The following ACOT1 variants were observed in gnomAD, a reference collection of about 807,000 sequenced individuals.
The protein encoded by ACOT1 is acyl-coenzyme A thioesterase 1.
ACOT1 carries 8 observed loss-of-function variants against 15.7 expected under a neutral mutation model. That is an observed-to-expected ratio of 0.51 (90% CI 0.30 to 0.92). ACOT1 has a LOEUF of 0.92. Ranked by LOEUF, ACOT1 falls within the 40% of genes least tolerant of loss-of-function variation. The probability of loss-of-function intolerance (pLI) is 0.06; values close to 1 mark genes in which losing one functional copy is unlikely to be tolerated. For missense variants in ACOT1, 151 were observed against 539.4 expected (o/e 0.28, Z 7.13); for synonymous variants, 67 against 241.2 (o/e 0.28, Z 6.69).
chr14:73,509,812 A>ATG, the ACOT1 span, among the ~76,000 whole-genome samples: 1 of 592 alleles, frequency 1.7e-3, no homozygotes, highest in Non-Finnish European at 2.7e-3. Context: ...CCATGAGCCC[A>ATG]TATATATATA....
chr14:73,491,671 T>C, the ACOT1 span: 1,126,142 of 1,549,532 alleles, frequency 0.73, 411,617 homozygotes, highest in East Asian at 0.88. Flanking sequence ...CAGATCACTT[T>C]TACCGGCGCC....
the ACOT1 span, chr14:73,502,909 C>T: frequency 1.2e-6 from 2 of 1,612,740 alleles, no homozygotes; most frequent in Non-Finnish European, 1.7e-6. Context: ...TTATGTCGTG[C>T]ACCTCTTTCC....
At chr14:73,509,204 T>A in the ACOT1 span, 1 of 1,093,686 alleles carries the variant, frequency 9.1e-7, no homozygotes, top group Non-Finnish European at 1.4e-6. Flanking sequence ...CTAAACCCAA[T>A]ACAGCAGACA....
At chr14:73,540,280 T>C (rs1274517156) in intron 1 of ACOT1, among the ~76,000 whole-genome samples, 1 of 151,586 alleles carries the variant, frequency 6.6e-6, no homozygotes, top group Non-Finnish European at 1.5e-5. Flanking sequence ...ATGAGCAGTC[T>C]GGATTAATTT....
the ACOT1 span, among the ~76,000 whole-genome samples, chr14:73,511,319 C>T: frequency 6.6e-6 from 1 of 151,610 alleles, no homozygotes. Context: ...TCAAGACCAG[C>T]CTGGCCAACA....
chr14:73,512,888 G>A, the ACOT1 span, among the ~76,000 whole-genome samples: 1 of 152,090 alleles, frequency 6.6e-6, no homozygotes, highest in Non-Finnish European at 1.5e-5. Context: ...CACTAACTAA[G>A]CTTGTCTATC....
intron 2 of ACOT1, among the ~76,000 whole-genome samples, chr14:73,542,223 C>A (rs1595157533): frequency 9.3e-6 from 1 of 108,092 alleles, no homozygotes; most frequent in African/African-American, 3.1e-5. Context: ...GTCTCAAACT[C>A]CTGACCTCAA....
the ACOT1 span, among the ~76,000 whole-genome samples, chr14:73,525,227 T>A: frequency 3.9e-5 from 6 of 152,004 alleles, no homozygotes; most frequent in Admixed American, 2.6e-4. Flanking sequence ...AGAGATGGGG[T>A]CTCACTATGT....
the ACOT1 span, chr14:73,521,162 C>G: frequency 1.2e-6 from 1 of 804,382 alleles, no homozygotes; most frequent in African/African-American, 1.7e-5. Context: ...GTGAGCATTG[C>G]AGAACACCAA....
the ACOT1 span, among the ~76,000 whole-genome samples, chr14:73,524,117 C>T: frequency 1.3e-5 from 2 of 151,404 alleles, no homozygotes; most frequent in Non-Finnish European, 2.9e-5. Context: ...ATGGTGAAAT[C>T]CCATCTCTAC....
the ACOT1 span, chr14:73,522,351 CTG>C: frequency 1.2e-6 from 2 of 1,614,248 alleles, no homozygotes; most frequent in Non-Finnish European, 1.7e-6. Flanking sequence ...TCAAACTCTG[CTG>C]TCTCTTCTGC....
chr14:73,526,901 T>A, the ACOT1 span, among the ~76,000 whole-genome samples: 3,707 of 151,934 alleles, frequency 0.024, 166 homozygotes, highest in African/African-American at 0.085. Flanking sequence ...GGAGTGCTCA[T>A]GTCACCCTTC....
the ACOT1 span, chr14:73,490,983 G>T: frequency 7.5e-7 from 1 of 1,326,138 alleles, no homozygotes; most frequent in South Asian, 2.2e-5. Flanking sequence ...TTCGCCCCCG[G>T]CCGGCCGGGC....
At chr14:73,490,977 C>T in the ACOT1 span, 9 of 1,316,210 alleles carry the variant, frequency 6.8e-6, no homozygotes, top group South Asian at 4.6e-5. Context: ...TTTAGCTTCG[C>T]CCCCGGCCGG....
upstream of ACOT1, among the ~76,000 whole-genome samples, chr14:73,534,387 A>G (rs1888797696): frequency 9.6e-6 from 1 of 104,268 alleles, no homozygotes; most frequent in Admixed American, 1.1e-4. Flanking sequence ...TTGAAAAAAA[A>G]AAAAGAATTA....
chr14:73,532,068 C>T, the ACOT1 span, among the ~76,000 whole-genome samples: 9 of 114,582 alleles, frequency 7.9e-5, 1 homozygote, highest in African/African-American at 1.4e-4. Context: ...TAGATGTATG[C>T]GGCTCCATAT....
At chr14:73,507,473 G>A in the ACOT1 span, among the ~76,000 whole-genome samples, 1 of 151,734 alleles carries the variant, frequency 6.6e-6, no homozygotes, top group South Asian at 2.1e-4. Context: ...TTGCTCTGTC[G>A]CTCAGGCTGG....
chr14:73,518,984 GTTATTA>G, the ACOT1 span: 8 of 1,580,302 alleles, frequency 5.1e-6, no homozygotes, highest in Non-Finnish European at 6.9e-6. Context: ...CCACATTCCC[GTTATTA>G]ACCCCTGCCT....
At chr14:73,513,759 G>T in the ACOT1 span, among the ~76,000 whole-genome samples, 2 of 91,902 alleles carry the variant, frequency 2.2e-5, no homozygotes, top group Non-Finnish European at 2.3e-5. Flanking sequence ...AAAAAAAAAT[G>T]GTCTCTGCCT....
Sources: allele counts gnomAD v4.1 joint callset (sites outside exome capture counted in the v4.1 genomes callset), GRCh38; gene constraint gnomAD v4.1.1; transcripts MANE v1.5; gene names NCBI Gene and HGNC (gene_info 2026-07-23, HGNC 2026-07-21).